CNTN4: variants seen among roughly 807,000 people sequenced by gnomAD.
The protein encoded by CNTN4 is contactin 4, also known as contactin-4.
In CNTN4, 77 loss-of-function variants were observed where a neutral mutation model predicts 122.5. The ratio of observed to expected loss-of-function variants is 0.63; its 90% CI spans 0.52 to 0.76. The LOEUF is 0.76. CNTN4 is among the 30% of genes least tolerant of loss of function. CNTN4 has a pLI of 0.00. For missense variants in CNTN4, 1,256 were observed against 1,259.1 expected (o/e 1.00, Z 0.04); for synonymous variants, 512 against 447.0 (o/e 1.15, Z -1.83).
chr3:2,927,163 A>G (rs147980206), intron 13 of CNTN4: 1 of 307,910 alleles, frequency 3.2e-6, no homozygotes, highest in South Asian at 3.1e-5. Flanking sequence ...GGTATTAGAC[A>G]TGTCAAAAAT....
chr3:2,312,895 T>G (rs1276011368), intron 2 of CNTN4, among the ~76,000 whole-genome samples: 7 of 151,852 alleles, frequency 4.6e-5, no homozygotes, highest in Non-Finnish European at 7.4e-5. Context: ...GAAATAACAT[T>G]GAAAACTGGA....
At chr3:2,739,497 T>C (rs2089331543) in intron 5 of CNTN4, among the ~76,000 whole-genome samples, 1 of 150,474 alleles carries the variant, frequency 6.6e-6, no homozygotes, top group Non-Finnish European at 1.5e-5. Context: ...AAGAACATAA[T>C]TTTGAGTAAA....
At chr3:3,001,330 G>A (rs1318357319) in intron 14 of CNTN4, among the ~76,000 whole-genome samples, 2 of 152,224 alleles carry the variant, frequency 1.3e-5, no homozygotes, top group Admixed American at 1.3e-4. Context: ...CCAGGAGAAA[G>A]AATGGCACTG....
At chr3:2,412,458 G>T (rs1212753996) in intron 3 of CNTN4, among the ~76,000 whole-genome samples, 2 of 151,894 alleles carry the variant, frequency 1.3e-5, no homozygotes, top group Non-Finnish European at 2.9e-5. Context: ...TCACTATGTC[G>T]GTCAGGCTGG....
chr3:2,102,947 T>C (rs2032109799), intron 2 of CNTN4, among the ~76,000 whole-genome samples: 1 of 151,734 alleles, frequency 6.6e-6, no homozygotes, highest in African/African-American at 2.4e-5. Context: ...GTAGAAAAAC[T>C]GGAATGGATA....
chr3:2,679,598 T>C (rs530434802), intron 4 of CNTN4, among the ~76,000 whole-genome samples: 1 of 152,318 alleles, frequency 6.6e-6, no homozygotes, highest in South Asian at 2.1e-4. Flanking sequence ...TGCCAATTTT[T>C]GTATGTATGG....
intron 7 of CNTN4, among the ~76,000 whole-genome samples, chr3:2,861,942 T>A (rs73805420): frequency 0.021 from 3,271 of 152,314 alleles, 114 homozygotes; most frequent in African/African-American, 0.075. Context: ...GGCTCCAAAA[T>A]ACATTTTTAA....
intron 3 of CNTN4, among the ~76,000 whole-genome samples, chr3:2,558,453 A>G (rs757560165): frequency 2.0e-5 from 3 of 151,672 alleles, no homozygotes; most frequent in Non-Finnish European, 2.9e-5. Flanking sequence ...GTAGAATATT[A>G]CTCAATTTTC....
In CNTN4 at chr3:2,668,090, C is replaced by T. The variant is rs1420403518; in HGVS notation, c.56-68125C>T. On this transcript the variant is annotated intron_variant, in intron 4 of 24. Transcript: ENST00000418658. ...GGCGATGCGGGCTCTTTTTTGGTTC[C>T]ATATGAACTTTAAAGTAGTTTTTTC... is the stretch of plus-strand genomic sequence containing the variant. 6.6e-5 allele frequency among the ~76,000 whole-genome samples: 10 copies of T among 152,136 alleles called. No homozygotes were observed. In the East Asian group the frequency reaches 1.4e-3, roughly 21 times the overall value.
intron 12 of CNTN4, among the ~76,000 whole-genome samples, chr3:2,909,430 T>C (rs1005059575): frequency 2.6e-5 from 4 of 152,226 alleles, no homozygotes; most frequent in East Asian, 3.9e-4. Flanking sequence ...TGGGCTTTTT[T>C]TTTTTTCTCT....
chr3:2,652,855 C>G (rs1389497429), intron 4 of CNTN4, among the ~76,000 whole-genome samples: 1 of 152,040 alleles, frequency 6.6e-6, no homozygotes, highest in African/African-American at 2.4e-5. Flanking sequence ...ACTTATGGAT[C>G]TTTTCTTTTG....
At chr3:2,909,768 C>T (rs2094279032) in intron 12 of CNTN4, among the ~76,000 whole-genome samples, 1 of 152,172 alleles carries the variant, frequency 6.6e-6, no homozygotes, top group Non-Finnish European at 1.5e-5. Flanking sequence ...CATGTTAATA[C>T]ACAGATTGCT....
intron 13 of CNTN4, among the ~76,000 whole-genome samples, chr3:2,984,711 A>G (rs780251371): frequency 6.6e-6 from 1 of 152,152 alleles, no homozygotes; most frequent in African/African-American, 2.4e-5. Context: ...AATGATCGTG[A>G]TACTGTTTTT....
chr3:2,903,148 A>G (rs1048130996), intron 12 of CNTN4, 143 bp downstream of exon 12: 17 of 764,042 alleles, frequency 2.2e-5, no homozygotes, highest in Non-Finnish European at 3.6e-5. Context: ...AGAAACAAGT[A>G]ATAAGCAAGT....
At chr3:2,157,728 C>T (rs1466006698) in intron 2 of CNTN4, among the ~76,000 whole-genome samples, 1 of 152,134 alleles carries the variant, frequency 6.6e-6, no homozygotes, top group Non-Finnish European at 1.5e-5. Flanking sequence ...ACACTTTATA[C>T]CAATTTCAAA....
intron 2 of CNTN4, among the ~76,000 whole-genome samples, chr3:2,208,413 T>A (rs887849953): frequency 6.6e-6 from 1 of 152,094 alleles, no homozygotes; most frequent in African/African-American, 2.4e-5. Context: ...ATTGTTGCAA[T>A]CTCATGATAA....
At chr3:2,109,169 C>T (rs760251124) in intron 2 of CNTN4, among the ~76,000 whole-genome samples, 9 of 152,046 alleles carry the variant, frequency 5.9e-5, no homozygotes, top group Non-Finnish European at 4.4e-5. Context: ...TTTCATAGTT[C>T]GGAAAGAGAA....
At chr3:3,014,673 T>C (rs141161636) in intron 14 of CNTN4, among the ~76,000 whole-genome samples, 2 of 151,786 alleles carry the variant, frequency 1.3e-5, no homozygotes, top group Admixed American at 1.3e-4. Context: ...CTCTGCATTT[T>C]CATCTCCTTT....
intron 6 of CNTN4, among the ~76,000 whole-genome samples, chr3:2,758,483 T>C (rs566329057): frequency 3.1e-4 from 47 of 151,050 alleles, no homozygotes; most frequent in Middle Eastern, 3.5e-3. Flanking sequence ...AAAAACTCAT[T>C]ATGAAGGTGT....
Sources: gnomAD v4.1 joint callset for allele counts (sites outside exome capture counted in the v4.1 genomes callset) on GRCh38, gnomAD v4.1.1 for gene constraint, MANE v1.5 for transcripts, NCBI Gene and HGNC (gene_info 2026-07-23, HGNC 2026-07-21) for gene names.